Variants in MCPH1 observed in about 807,000 individuals in gnomAD.
The protein encoded by MCPH1 is microcephalin 1.
Under a neutral mutation model 84.5 loss-of-function variants are expected in MCPH1, and 104 were observed. The observed-to-expected ratio is 1.23, with a 90% CI of 1.05 to 1.45. MCPH1 has a LOEUF of 1.45. Among genes scored for constraint, MCPH1 ranks in the 40% most tolerant of loss-of-function variants. The pLI is 0.00. For synonymous variants in MCPH1, 514 were observed against 366.8 expected (o/e 1.40, Z -4.58); for missense variants, 1,498 against 1,005.7 (o/e 1.49, Z -6.62).
chr8:6,560,324 A>G (rs1157707435), intron 12 of MCPH1, among the ~76,000 whole-genome samples: 1 of 152,220 alleles, frequency 6.6e-6, no homozygotes, highest in East Asian at 1.9e-4. Context: ...GTTAGGTTGT[A>G]ATGATAACCC....
chr8:6,579,670 A>C (rs1363115275), intron 12 of MCPH1, among the ~76,000 whole-genome samples: 1 of 152,192 alleles, frequency 6.6e-6, no homozygotes, highest in Non-Finnish European at 1.5e-5. Flanking sequence ...GTACACACCA[A>C]GTGGTTTGCA....
chr8:6,445,927 G>A (rs983378600), intron 8 of MCPH1: 1 of 989,384 alleles, frequency 1.0e-6, no homozygotes, highest in African/African-American at 1.7e-5. Context: ...TAAAACCTAG[G>A]TTCTTAATAG....
At chr8:6,615,081 C>A (rs1830669088) in intron 12 of MCPH1, among the ~76,000 whole-genome samples, 1 of 152,214 alleles carries the variant, frequency 6.6e-6, no homozygotes, top group Non-Finnish European at 1.5e-5. Context: ...CATCACTTGG[C>A]GTGCATGTGA....
chr8:6,474,842 A>G (rs1320131828), intron 9 of MCPH1, among the ~76,000 whole-genome samples: 1 of 152,224 alleles, frequency 6.6e-6, no homozygotes, highest in Non-Finnish European at 1.5e-5. Flanking sequence ...CTTAAAAAAT[A>G]AGAATAATAA....
chr8:6,617,909 A>ATCTATCTATCTATCTG, intron 12 of MCPH1, among the ~76,000 whole-genome samples: 1 of 150,002 alleles, frequency 6.7e-6, no homozygotes, highest in East Asian at 2.0e-4. Flanking sequence ...TAATCTATCT[A>ATCTATCTATCTATCTG]TCTATCTATC....
chr8:6,552,735 T>G (rs1331636691), intron 12 of MCPH1, among the ~76,000 whole-genome samples: 3 of 152,174 alleles, frequency 2.0e-5, no homozygotes, highest in African/African-American at 7.2e-5. Context: ...CTGGTACCGT[T>G]TCTGAAGATA....
chr8:6,518,705 T>C (rs992554722), intron 12 of MCPH1, among the ~76,000 whole-genome samples: 41 of 152,228 alleles, frequency 2.7e-4, no homozygotes, highest in Non-Finnish European at 1.5e-4. Flanking sequence ...TCCACTTTGG[T>C]ACAGTATCCA....
intron 3 of MCPH1, among the ~76,000 whole-genome samples, chr8:6,418,884 T>C (rs1799714937): frequency 1.3e-5 from 2 of 149,300 alleles, no homozygotes; most frequent in South Asian, 4.2e-4. Flanking sequence ...CCGGCCAGGA[T>C]TTTTTTTTTA....
chr8:6,469,992 C>G (rs915329896), intron 9 of MCPH1, among the ~76,000 whole-genome samples: 1 of 152,154 alleles, frequency 6.6e-6, no homozygotes, highest in African/African-American at 2.4e-5. Flanking sequence ...TTGGATGCGC[C>G]TAACTGTGTG....
intron 12 of MCPH1, among the ~76,000 whole-genome samples, chr8:6,516,859 GT>G (rs1816366291): frequency 6.6e-6 from 1 of 152,036 alleles, no homozygotes; most frequent in Admixed American, 6.6e-5. Flanking sequence ...AGTTTATCTT[GT>G]TATGGAAGTC....
chr8:6,475,827 G>T (rs1808377337), intron 9 of MCPH1, among the ~76,000 whole-genome samples: 1 of 152,106 alleles, frequency 6.6e-6, no homozygotes, highest in African/African-American at 2.4e-5. Context: ...GGTGGTCCCT[G>T]TGGCATACTC....
chr8:6,605,514 A>G (rs559998161), intron 12 of MCPH1, among the ~76,000 whole-genome samples: 6 of 152,304 alleles, frequency 3.9e-5, no homozygotes, highest in East Asian at 3.9e-4. Flanking sequence ...CCAAGATGTA[A>G]CTGTAAACCT....
At chr8:6,481,288 A>C (rs1280811904) in intron 11 of MCPH1, among the ~76,000 whole-genome samples, 1 of 152,248 alleles carries the variant, frequency 6.6e-6, no homozygotes, top group East Asian at 1.9e-4. Flanking sequence ...AGATGGATTT[A>C]CTTAGGATGA....
chr8:6,584,474 C>T (rs1431218279), intron 12 of MCPH1, among the ~76,000 whole-genome samples: 3 of 152,168 alleles, frequency 2.0e-5, no homozygotes, highest in Non-Finnish European at 2.9e-5. Flanking sequence ...ATTTTAATCT[C>T]TGCTTATCCC....
chr8:6,503,860 A>G (rs1201948547), intron 12 of MCPH1, among the ~76,000 whole-genome samples: 1 of 152,232 alleles, frequency 6.6e-6, no homozygotes, highest in Non-Finnish European at 1.5e-5. Flanking sequence ...GTGAAGCCCC[A>G]TCTGCACCTT....
chr8:6,475,585 C>G (rs1039125009), intron 9 of MCPH1, among the ~76,000 whole-genome samples: 1 of 152,212 alleles, frequency 6.6e-6, no homozygotes, highest in Non-Finnish European at 1.5e-5. Flanking sequence ...AGATTTATTA[C>G]TTCCAGATCC....
intron 5 of MCPH1, 93 bp downstream of exon 5, chr8:6,436,255 C>T (rs56106383): frequency 7.7e-7 from 1 of 1,291,924 alleles, no homozygotes; most frequent in Non-Finnish European, 1.1e-6. Context: ...CATGAGAGAG[C>T]TGATGAAGAC....
At chr8:6,562,235 G>C (rs535728998) in intron 12 of MCPH1, among the ~76,000 whole-genome samples, 7 of 152,210 alleles carry the variant, frequency 4.6e-5, no homozygotes, top group Non-Finnish European at 8.8e-5. Context: ...TCTGGCTCAC[G>C]GGCTGCTGCG....
At chr8:6,630,806 A>T (rs935379076) in intron 13 of MCPH1, among the ~76,000 whole-genome samples, 1 of 148,888 alleles carries the variant, frequency 6.7e-6, no homozygotes, top group South Asian at 2.1e-4. Flanking sequence ...AAAAAAAAAA[A>T]CAATTATATA....
Sources: gnomAD v4.1 joint callset for allele counts (sites outside exome capture counted in the v4.1 genomes callset) on GRCh38, gnomAD v4.1.1 for gene constraint, MANE v1.5 for transcripts, NCBI Gene and HGNC (gene_info 2026-07-23, HGNC 2026-07-21) for gene names.